Variants in NF1 observed in about 807,000 individuals in gnomAD.
NF1 encodes the protein neurofibromin.
A neutral mutation model predicts 325.7 loss-of-function variants in NF1; 122 were observed. The observed-to-expected ratio is 0.37, with a 90% CI of 0.32 to 0.44. The LOEUF (loss-of-function observed/expected upper bound fraction) is 0.44, where lower values mean the gene tolerates loss of function less well. Among genes scored for constraint, NF1 ranks in the 20% least tolerant of loss-of-function variants. NF1 has a pLI of 1.00. For synonymous variants in NF1, 1,091 were observed against 1,186.0 expected, an observed-to-expected ratio of 0.92 and a Z score of 1.65; for missense variants, 2,140 against 3,415.4, an observed-to-expected ratio of 0.63 and a Z score of 9.31.
rs1469892088 is a variant in NF1 at position 31,214,371 on chromosome 17, A to G, written c.1393-80A>G. On this transcript the variant is annotated intron_variant, in intron 12 of 57. Transcript: ENST00000358273. ...AAATAGCTTTTTTCAAAGGTTTTTA[A>G]TAATAAATTTCTTTTAAAAGGTTGG... is the stretch of plus-strand genomic sequence containing the variant. 21 of 1,159,540 alleles carry G rather than the reference A, an allele frequency of 1.8e-5. No individual in the cohort carries two copies. The Admixed American group carries it at 4.4e-4, about 24-fold the overall frequency. The allele number at this position is 1,159,540 out of a possible 1,614,324, so 71.8% of individuals were successfully genotyped here.
intron 5 of NF1, among the ~76,000 whole-genome samples, chr17:31,172,373 T>C (rs2953007): frequency 1.9e-4 from 27 of 145,842 alleles, no homozygotes; most frequent in South Asian, 6.6e-4. Flanking sequence ...CTCTCTCTCT[T>C]TCTCTCTTTC....
intron 5 of NF1, among the ~76,000 whole-genome samples, chr17:31,177,363 TATC>T (rs1366402000): frequency 6.6e-6 from 1 of 151,634 alleles, no homozygotes; most frequent in Non-Finnish European, 1.5e-5. Context: ...AAAGGAATAG[TATC>T]ATCATCAACA....
intron 8 of NF1, among the ~76,000 whole-genome samples, chr17:31,199,035 G>T (rs1344908097): frequency 1.3e-5 from 2 of 151,938 alleles, no homozygotes; most frequent in Non-Finnish European, 1.5e-5. Context: ...CTTTTTCAAA[G>T]AATCAGCTTC....
rs863224354 is a variant in NF1 at position 31,249,029 on chromosome 17, T to G, written c.4020T>G (p.Leu1340=). 6.2e-7 allele frequency: 1 copy of G among 1,614,114 alleles called. No individual in the cohort carries two copies. The highest frequency in any genetic ancestry group is 8.5e-7 in the Non-Finnish European group (1 of 1,179,982). ...TTGAGGAAAACCAGCGGAACCTCCT[T>G]CAGATGACTGAAAAGTTCTTCCATG... ...ESLEENQRNL[L]QMTEKFFHAI... Residue 1340 remains leucine (L), a synonymous_variant, in exon 30 of 58, where the codon CTT becomes CTG. Transcript: ENST00000358273.
At chr17:31,214,733 A>G (rs189261275) in intron 13 of NF1, 148 bp downstream of exon 13, 20 of 653,606 alleles carry the variant, frequency 3.1e-5, no homozygotes, top group East Asian at 2.5e-4. Context: ...CGTCTCTAAG[A>G]AAACTAATGT....
At chr17:31,213,821 G>A (rs368633726) in intron 12 of NF1, among the ~76,000 whole-genome samples, 15 of 152,218 alleles carry the variant, frequency 9.9e-5, no homozygotes, top group Non-Finnish European at 8.8e-5. Flanking sequence ...GTGGAGTGCC[G>A]TCGAAGGAAA....
chr17:31,275,492 AT>A (rs1728993626), intron 36 of NF1, among the ~76,000 whole-genome samples: 1 of 152,174 alleles, frequency 6.6e-6, no homozygotes, highest in African/African-American at 2.4e-5. Context: ...CTATTTTATT[AT>A]TGTTTTTAAT....
At chr17:31,158,170 A>T (rs531561005) in intron 2 of NF1, among the ~76,000 whole-genome samples, 1 of 152,130 alleles carries the variant, frequency 6.6e-6, no homozygotes, top group Non-Finnish European at 1.5e-5. Context: ...GAGTGAGAGC[A>T]TGTGGTGTTT....
At chr17:31,235,080 T>G (rs1179188850) in intron 27 of NF1, among the ~76,000 whole-genome samples, 1 of 152,178 alleles carries the variant, frequency 6.6e-6, no homozygotes, top group Non-Finnish European at 1.5e-5. Context: ...GGCTCATCTC[T>G]GGGTTCTGAA....
chr17:31,213,244 G>A (rs1039192711), intron 12 of NF1, among the ~76,000 whole-genome samples: 3 of 152,148 alleles, frequency 2.0e-5, no homozygotes, highest in African/African-American at 7.2e-5. Flanking sequence ...CATTTGCTTT[G>A]GGGTCAGGGG....
intron 43 of NF1, 58 bp downstream of exon 43, chr17:31,337,640 A>T (rs2069711300): frequency 6.7e-7 from 1 of 1,503,370 alleles, no homozygotes; most frequent in Non-Finnish European, 9.1e-7. Context: ...AAATATGTTA[A>T]TACTATATAG....
At chr17:31,349,053 T>G (rs2070070143) in intron 48 of NF1, 67 bp from the exon 49 acceptor site, 2 of 1,534,872 alleles carry the variant, frequency 1.3e-6, no homozygotes, top group Non-Finnish European at 1.8e-6. Flanking sequence ...GAAGAAGACC[T>G]CAGCAGATGC....
At chr17:31,095,407 T>C in intron 1 of NF1, 38 bp downstream of exon 1, 1 of 1,510,928 alleles carries the variant, frequency 6.6e-7, no homozygotes, top group Non-Finnish European at 8.8e-7. Context: ...GGGAGCGGAG[T>C]GGGGGTGGGG....
chr17:31,131,518 AT>A (rs1282978679), intron 1 of NF1, among the ~76,000 whole-genome samples: 3 of 152,158 alleles, frequency 2.0e-5, no homozygotes, highest in African/African-American at 7.2e-5. Context: ...CCCTCTGAAG[AT>A]CTGCTAAGAG....
At chr17:31,140,868 T>G (rs149664240) in intron 1 of NF1, among the ~76,000 whole-genome samples, 51 of 152,294 alleles carry the variant, frequency 3.3e-4, no homozygotes, top group Non-Finnish European at 3.5e-4. Flanking sequence ...AAATACTATA[T>G]AATCTCACTT....
At position 31,376,894 on chromosome 17, in the gene NF1, T is replaced by C. The variant is rs2070739100; in HGVS notation, c.*2739T>C. 4.3e-6 allele frequency: 1 copy of C among 233,168 alleles called. No individual in the cohort carries two copies. Among genetic ancestry groups the C allele is most frequent in the Non-Finnish European group, 8.5e-6 (1 of 118,074 alleles). 14.4% of individuals were successfully genotyped at this position (233,168 alleles called of 1,614,324 possible). ...AGATTTGGGGCAAAGTGGCTACAGC[T>C]CTGTCTTCCATTCACTCAACACCTG... On this transcript the variant is annotated 3_prime_UTR_variant, in exon 58 of 58. Transcript: ENST00000358273.
rs547350801 is a variant in NF1, at chr17:31,113,495, C to T, written c.60+18126C>T. Among the ~76,000 whole-genome samples, 7 of 152,102 alleles carry T rather than the reference C, an allele frequency of 4.6e-5. No homozygotes were observed. The East Asian group carries it at 9.7e-4, about 21-fold the overall frequency. Reference sequence around the variant, plus strand: ...CTGGCCTCAAGCTGTCCTCTCGCCTCGGCTTCCCAAAGTGCATGAGTCACT... The same window carrying T: ...CTGGCCTCAAGCTGTCCTCTCGCCTTGGCTTCCCAAAGTGCATGAGTCACT... On this transcript the variant is annotated intron_variant, in intron 1 of 57. Transcript: ENST00000358273.
chr17:31,303,495 AT>A (rs1247341697), intron 36 of NF1, among the ~76,000 whole-genome samples: 1 of 152,120 alleles, frequency 6.6e-6, no homozygotes, highest in Non-Finnish European at 1.5e-5. Flanking sequence ...TGAAAAAAAA[AT>A]CACCCAAAGT....
At position 31,305,264 on chromosome 17, in the gene NF1, A is replaced by C. The variant is rs1192783109; in HGVS notation, c.4836-20556A>C. The C allele has an allele frequency of 1.3e-5, 21 of 1,613,892 alleles. No individual in the cohort carries two copies. Among genetic ancestry groups the C allele is most frequent in the Non-Finnish European group, 1.8e-5 (21 of 1,179,976 alleles). Reference sequence around the variant, plus strand: ...GAGGTGAACACGGCTTGCTGGGAGGAGGTGTTGGCTATTGGTGTTGGTTGT... The same window carrying C: ...GAGGTGAACACGGCTTGCTGGGAGGCGGTGTTGGCTATTGGTGTTGGTTGT... On this transcript the variant is annotated intron_variant, in intron 36 of 57. Coordinates refer to ENST00000358273, the MANE Select transcript of NF1 (RefSeq NM_001042492.3).
Sources: gnomAD v4.1 joint callset for allele counts (sites outside exome capture counted in the v4.1 genomes callset) on GRCh38, gnomAD v4.1.1 for gene constraint, MANE v1.5 for transcripts, NCBI Gene and HGNC (gene_info 2026-07-23, HGNC 2026-07-21) for gene names.